The following TSGA10 variants were observed in gnomAD, a reference collection of about 807,000 sequenced individuals.
The protein encoded by TSGA10 is testis specific 10.
A neutral mutation model predicts 96.6 loss-of-function variants in TSGA10; 43 were observed. That is an observed-to-expected ratio of 0.44 (90% CI 0.35 to 0.57). TSGA10 has a LOEUF of 0.57. Among genes scored for constraint, TSGA10 ranks in the 20% least tolerant of loss-of-function variants. TSGA10 has a pLI of 0.01. For synonymous variants in TSGA10, 229 were observed against 269.9 expected (o/e 0.85, Z 1.48); for missense variants, 703 against 834.4 (o/e 0.84, Z 1.94).
At chr2:99,085,316 AAGG>A (rs890108264) in intron 10 of TSGA10, among the ~76,000 whole-genome samples, 3 of 151,830 alleles carry the variant, frequency 2.0e-5, no homozygotes, top group South Asian at 4.2e-4. Flanking sequence ...ATTTAAAAGA[AAGG>A]AGAAGCCAGG....
chr2:99,057,455 C>A (rs368749509), intron 16 of TSGA10, among the ~76,000 whole-genome samples: 1 of 151,800 alleles, frequency 6.6e-6, no homozygotes, highest in Non-Finnish European at 1.5e-5. Context: ...TATACACTTG[C>A]GATGGAGAAT....
At chr2:99,116,895 TTC>T (rs1458222330) in intron 4 of TSGA10, among the ~76,000 whole-genome samples, 1 of 152,216 alleles carries the variant, frequency 6.6e-6, no homozygotes, top group Non-Finnish European at 1.5e-5. Context: ...ACTCCAAATC[TTC>T]TCTTTCAGCT....
chr2:99,144,210 A>G (rs1425987088), intron 1 of TSGA10, among the ~76,000 whole-genome samples: 1 of 151,774 alleles, frequency 6.6e-6, no homozygotes, highest in African/African-American at 2.4e-5. Flanking sequence ...TTTAGTAGAG[A>G]CGGGGTTTCA....
chr2:99,015,291 C>G (rs1159920428), intron 20 of TSGA10, among the ~76,000 whole-genome samples: 4 of 152,068 alleles, frequency 2.6e-5, no homozygotes, highest in Non-Finnish European at 5.9e-5. Context: ...GATAATACAC[C>G]ATGACCAAGT....
At chr2:99,143,296 T>C (rs2093595284) in intron 1 of TSGA10, among the ~76,000 whole-genome samples, 1 of 149,300 alleles carries the variant, frequency 6.7e-6, no homozygotes, top group Non-Finnish European at 1.5e-5. Context: ...CGCCCACTAC[T>C]ACGCCCAGCT....
chr2:99,141,235 G>C, intron 1 of TSGA10: 1 of 979,304 alleles, frequency 1.0e-6, no homozygotes, highest in Non-Finnish European at 1.3e-6. Flanking sequence ...CCCCCAAATC[G>C]TCCTGGCCCC....
chr2:99,066,664 G>A (rs1042982284), intron 15 of TSGA10, among the ~76,000 whole-genome samples: 1 of 152,114 alleles, frequency 6.6e-6, no homozygotes, highest in Admixed American at 6.5e-5. Flanking sequence ...TTCTTGGCAA[G>A]CAGAAAGCAT....
intron 18 of TSGA10, 96 bp downstream of exon 18, chr2:99,020,184 T>C: frequency 1.9e-6 from 2 of 1,032,920 alleles, no homozygotes; most frequent in Admixed American, 2.2e-5. Context: ...AGGCAAAGTA[T>C]AGAAGGCAAA....
chr2:99,057,699 C>G (rs1232134395), intron 16 of TSGA10, among the ~76,000 whole-genome samples: 1 of 152,176 alleles, frequency 6.6e-6, no homozygotes, highest in African/African-American at 2.4e-5. Flanking sequence ...TCAGCATAGT[C>G]TCTATCAGAA....
intron 4 of TSGA10, among the ~76,000 whole-genome samples, chr2:99,114,636 T>C (rs1398507230): frequency 6.6e-6 from 1 of 152,158 alleles, no homozygotes; most frequent in East Asian, 1.9e-4. Flanking sequence ...CCAGGCAAAA[T>C]TCCACCTGTA....
chr2:99,084,480 C>T (rs935447787), intron 10 of TSGA10, among the ~76,000 whole-genome samples: 1 of 152,194 alleles, frequency 6.6e-6, no homozygotes, highest in Non-Finnish European at 1.5e-5. Context: ...GATGCACTGG[C>T]TCCCCCTTTG....
Position 99,071,723 on chromosome 2 carries a change from CT to C in TSGA10, c.1089del (p.Ala364LeufsTer12), listed in dbSNP as rs1421677862. ...DNDNLQEQFA[K>X]AKQENQALSK... ...AAGTGTACCTGGTTTTCTTGTTTAG[CT>C]TTAGCAAACTGTTCCTGGAGATTGT... is the stretch of plus-strand genomic sequence containing the variant. On this transcript the variant is annotated frameshift_variant, in exon 14 of 21. Coordinates refer to ENST00000393483, the MANE Select transcript of TSGA10 (RefSeq NM_025244.4). LOFTEE classifies it high-confidence loss of function. 1 of 1,612,676 alleles carries C rather than the reference CT, an allele frequency of 6.2e-7. No individual in the cohort carries two copies. Among genetic ancestry groups the C allele is most frequent in the African/African-American group, 1.3e-5 (1 of 74,786 alleles).
At chr2:99,046,409 T>A (rs894703222) in intron 16 of TSGA10, among the ~76,000 whole-genome samples, 2 of 152,128 alleles carry the variant, frequency 1.3e-5, no homozygotes, top group African/African-American at 4.8e-5. Context: ...AAACTCAGGA[T>A]GAAGAAGCTC....
At chr2:99,004,665 A>G (rs182377808) in intron 20 of TSGA10, among the ~76,000 whole-genome samples, 2,366 of 152,096 alleles carry the variant, frequency 0.016, 51 homozygotes, top group African/African-American at 0.053. Context: ...TTACCAACCA[A>G]AAAAAGTCCA....
At chr2:99,042,593 T>G (rs1313561040) in intron 16 of TSGA10, among the ~76,000 whole-genome samples, 5 of 152,152 alleles carry the variant, frequency 3.3e-5, no homozygotes, top group Admixed American at 3.3e-4. Context: ...TCTTACAACA[T>G]TTGGGGCATA....
chr2:99,091,367 C>T (rs1363156373), intron 10 of TSGA10, among the ~76,000 whole-genome samples: 4 of 152,052 alleles, frequency 2.6e-5, no homozygotes, highest in African/African-American at 7.2e-5. Context: ...TAAGTAAATA[C>T]ATACATGCAT....
intron 1 of TSGA10, among the ~76,000 whole-genome samples, chr2:99,136,192 T>C (rs977481444): frequency 4.6e-5 from 7 of 152,194 alleles, no homozygotes; most frequent in African/African-American, 1.7e-4. Context: ...CCTACTGCTC[T>C]TTTCACTAAA....
At chr2:98,998,246 T>C in intron 20 of TSGA10, 25 bp from the exon 21 acceptor site, 1 of 1,570,334 alleles carries the variant, frequency 6.4e-7, no homozygotes, top group Non-Finnish European at 8.6e-7. Flanking sequence ...ATCATGCTGA[T>C]TAATATTTTT....
chr2:99,062,827 A>C (rs2104449467), intron 16 of TSGA10, among the ~76,000 whole-genome samples: 1 of 152,344 alleles, frequency 6.6e-6, no homozygotes, highest in South Asian at 2.1e-4. Context: ...GGATTATCTC[A>C]AAACTTGTGG....
Sources: allele counts gnomAD v4.1 joint callset (sites outside exome capture counted in the v4.1 genomes callset), GRCh38; gene constraint gnomAD v4.1.1; transcripts MANE v1.5; gene names NCBI Gene and HGNC (gene_info 2026-07-23, HGNC 2026-07-21).